Variants in ANKH observed in about 807,000 individuals in gnomAD.
ANKH encodes ANKH inorganic pyrophosphate transport regulator.
ANKH carries 15 observed loss-of-function variants against 49.0 expected under a neutral mutation model. The observed-to-expected ratio is 0.31, with a 90% confidence interval of 0.20 to 0.47. The LOEUF is 0.47. Ranked by LOEUF, ANKH falls within the 20% of genes least tolerant of loss-of-function variation. The probability of loss-of-function intolerance (pLI) is 1.00; values close to 1 mark genes in which losing one functional copy is unlikely to be tolerated. For missense variants in ANKH, 429 were observed against 652.0 expected (o/e 0.66, Z 3.72); for synonymous variants, 273 against 260.0 (o/e 1.05, Z -0.48).
intron 1 of ANKH, among the ~76,000 whole-genome samples, chr5:14,846,091 A>C (rs1580113586): frequency 2.0e-5 from 3 of 152,172 alleles, no homozygotes. Flanking sequence ...TCCTGGCCTC[A>C]AGTGATCCGC....
At chr5:14,727,542 C>A (rs770458213) in intron 8 of ANKH, among the ~76,000 whole-genome samples, 2 of 151,796 alleles carry the variant, frequency 1.3e-5, no homozygotes, top group Non-Finnish European at 2.9e-5. Context: ...CGCCATGCGC[C>A]AAGCCCGCAG....
At chr5:14,778,707 C>T (rs1475526434) in intron 1 of ANKH, among the ~76,000 whole-genome samples, 1 of 152,212 alleles carries the variant, frequency 6.6e-6, no homozygotes, top group African/African-American at 2.4e-5. Flanking sequence ...GCAGCCTACA[C>T]TTCAGGGTCA....
At position 14,758,486 on chromosome 5, in the gene ANKH, G is replaced by C; in HGVS notation, c.426C>G (p.Asp142Glu). The change falls in exon 3 of 12, where the codon GAC becomes GAG. Residue 142 changes from aspartate (D) to glutamate (E), a missense_variant. Asp to Glu is a conservative substitution (Grantham distance 45). Transcript: ENST00000284268. Reference sequence around the variant, plus strand: ...AACGATCTTCTCTACTCACCATTGCGTCCATGAAAGGAAAGGCGGCGAGGT... The same window carrying C: ...AACGATCTTCTCTACTCACCATTGCCTCCATGAAAGGAAAGGCGGCGAGGT... ...FLYLAAFPFM[D>E]AMAWTHAGIL... The C allele has an allele frequency of 1.2e-6, 2 of 1,612,700 alleles. No homozygotes were observed. The highest frequency in any genetic ancestry group is 1.7e-6 in the Non-Finnish European group (2 of 1,178,720).
intron 1 of ANKH, among the ~76,000 whole-genome samples, chr5:14,841,240 T>C (rs1470277531): frequency 6.6e-6 from 1 of 152,026 alleles, no homozygotes; most frequent in Non-Finnish European, 1.5e-5. Flanking sequence ...TATGTGATAA[T>C]ATTTTATACT....
rs116453310 is a variant in ANKH, at chr5:14,770,260, C to T, written c.97-1069G>A. 8.2e-3 allele frequency among the ~76,000 whole-genome samples: 1,252 copies of T among 152,272 alleles called. 22 individuals are homozygous for T. The highest frequency in any genetic ancestry group is 0.029 in the African/African-American group (1,196 of 41,534). ...ACGGAGCCTCCCCTGCTATCAACAT[C>T]CCACGCCAGAGTGGTACATGCCTTA... On this transcript the variant is annotated intron_variant, in intron 1 of 11. Coordinates refer to ENST00000284268, the MANE Select transcript of ANKH (RefSeq NM_054027.6). This position sits in a 1 kb window ranked among gnomAD's most constrained non-coding sequence, Gnocchi z 4.1.
At chr5:14,711,390 C>T (rs764444181) in intron 11 of ANKH, 80 bp from the exon 12 acceptor site, 54 of 1,292,114 alleles carry the variant, frequency 4.2e-5, no homozygotes, top group Middle Eastern at 2.3e-4. Context: ...GAGACAACAC[C>T]GGGGTCTTGG....
chr5:14,858,722 TAAATAAATA>T (rs1735378459), intron 1 of ANKH, among the ~76,000 whole-genome samples: 1 of 88,142 alleles, frequency 1.1e-5, no homozygotes, highest in African/African-American at 4.5e-5. Context: ...TCTCAATAAA[TAAATAAATA>T]AATAAATAAA....
At chr5:14,712,768 T>A in intron 11 of ANKH, 106 bp downstream of exon 11, 1 of 1,105,122 alleles carries the variant, frequency 9.0e-7, no homozygotes. Flanking sequence ...TCACCAAGGA[T>A]CCCCCACTGA....
intron 1 of ANKH, among the ~76,000 whole-genome samples, chr5:14,866,035 C>T (rs1050383587): frequency 2.6e-5 from 4 of 152,186 alleles, no homozygotes; most frequent in Non-Finnish European, 5.9e-5. Flanking sequence ...TTTGAAATAT[C>T]TAAAGTATCT....
rs1321114026 is a variant in ANKH, at chr5:14,710,451, G to A, written c.*746C>T. ...GCTCATGTATATACACGGTGGGGGT[G>A]AGAACTGACAGCTTGCTCAGATCTA... On this transcript the variant is annotated 3_prime_UTR_variant, in exon 12 of 12. Coordinates refer to ENST00000284268, the MANE Select transcript of ANKH (RefSeq NM_054027.6). The A allele has an allele frequency of 1.3e-5, 2 of 152,564 alleles. No homozygotes were observed. Among genetic ancestry groups the A allele is most frequent in the African/African-American group, 4.8e-5 (2 of 41,454 alleles). The allele number at this position is 152,564 out of a possible 1,614,324, so 9.5% of individuals were successfully genotyped here.
rs1737315867 is a variant in ANKH at position 14,713,423 on chromosome 5, T to C, written c.1265+121A>G. ...GCCTGGGCAGACACACAAAACATCA[T>C]TCTGAATTTCCGATTCTAGACGTGC... On this transcript the variant is annotated intron_variant, in intron 10 of 11. Coordinates refer to ENST00000284268, the MANE Select transcript of ANKH (RefSeq NM_054027.6). The surrounding 1 kb of genome is among the most constrained non-coding windows in gnomAD (Gnocchi z 4.4). 4.3e-6 allele frequency: 6 copies of C among 1,407,736 alleles called. No homozygotes were observed. In the Admixed American group the frequency reaches 1.2e-4, roughly 28 times the overall value. 87.2% of individuals were successfully genotyped at this position (1,407,736 alleles called of 1,614,324 possible).
rs1266497927 is a variant in ANKH, at chr5:14,745,148, C to T, written c.915+722G>A. On this transcript the variant is annotated intron_variant, in intron 7 of 11. Transcript: ENST00000284268. The surrounding 1 kb of genome is among the most constrained non-coding windows in gnomAD (Gnocchi z 4.7). The stretch of plus-strand genomic sequence containing the variant: ...ACGGTAAGAAGTAGCAGTCTGTTTG[C>T]TTCCTTCCTGTGTATCATTTTAAAA... Among the ~76,000 whole-genome samples the T allele has an allele frequency of 6.6e-6, 1 of 152,242 alleles. No individual in the cohort carries two copies. The highest frequency in any genetic ancestry group is 1.5e-5 in the Non-Finnish European group (1 of 68,048).
chr5:14,809,357 A>AG (rs1740809879), intron 1 of ANKH, among the ~76,000 whole-genome samples: 1 of 140,180 alleles, frequency 7.1e-6, no homozygotes, highest in Non-Finnish European at 1.6e-5. Flanking sequence ...AAAAAAAAAA[A>AG]GAAAAAAAAA....
chr5:14,866,226 G>C (rs986378303), intron 1 of ANKH, among the ~76,000 whole-genome samples: 1 of 152,130 alleles, frequency 6.6e-6, no homozygotes, highest in Admixed American at 6.6e-5. Flanking sequence ...GGCTGCTCTT[G>C]AACTCCTGAC....
intron 4 of ANKH, among the ~76,000 whole-genome samples, chr5:14,754,764 T>C (rs1738825820): frequency 6.6e-6 from 1 of 151,920 alleles, no homozygotes; most frequent in South Asian, 2.1e-4. Flanking sequence ...AAAGGAAAAA[T>C]GTATGGAAAT....
At chr5:14,871,306 G>T (rs368765666) in intron 1 of ANKH, 46 bp downstream of exon 1, 11 of 1,560,542 alleles carry the variant, frequency 7.0e-6, no homozygotes, top group Non-Finnish European at 7.0e-6. Flanking sequence ...GGGCGTGTAA[G>T]GCCAAGGCAG....
chr5:14,771,613 T>C (rs1057121003), intron 1 of ANKH, among the ~76,000 whole-genome samples: 1 of 152,046 alleles, frequency 6.6e-6, no homozygotes, highest in Non-Finnish European at 1.5e-5. Context: ...CATTATTAGT[T>C]ATACCACTAA....
In ANKH at chr5:14,713,450, T is replaced by G. The variant is rs1313008418; in HGVS notation, c.1265+94A>C. 6.5e-7 allele frequency: 1 copy of G among 1,533,898 alleles called. No individual in the cohort carries two copies. The highest frequency in any genetic ancestry group is 1.4e-5 in the African/African-American group (1 of 72,928). Reference sequence around the variant, plus strand: ...CTGAATTTCCGATTCTAGACGTGCCTGGGGATTTCCCCTGAAAATGTAGCT... The same window carrying G: ...CTGAATTTCCGATTCTAGACGTGCCGGGGGATTTCCCCTGAAAATGTAGCT... On this transcript the variant is annotated intron_variant, in intron 10 of 11. Coordinates refer to ENST00000284268, the MANE Select transcript of ANKH (RefSeq NM_054027.6). The surrounding 1 kb of genome is among the most constrained non-coding windows in gnomAD (Gnocchi z 4.4).
chr5:14,751,492 A>T (rs1258406489), intron 4 of ANKH, among the ~76,000 whole-genome samples: 1 of 152,246 alleles, frequency 6.6e-6, no homozygotes, highest in African/African-American at 2.4e-5. Context: ...GCAACTACAA[A>T]AATCTTTCAA....
Sources: allele counts gnomAD v4.1 joint callset (sites outside exome capture counted in the v4.1 genomes callset), GRCh38; gene constraint gnomAD v4.1.1; non-coding constraint Gnocchi (gnomAD v3.1); transcripts MANE v1.5; gene names NCBI Gene and HGNC (gene_info 2026-07-23, HGNC 2026-07-21).